Variants in ADAMTSL1 observed in about 807,000 individuals in gnomAD.
The protein encoded by ADAMTSL1 is ADAMTS-like protein 1.
In ADAMTSL1, 126 loss-of-function variants were observed where a neutral mutation model predicts 201.8. The observed-to-expected ratio is 0.62, with a 90% CI of 0.54 to 0.72. ADAMTSL1 has a LOEUF of 0.72. ADAMTSL1 is among the 30% of genes least tolerant of loss of function. The pLI, the probability that ADAMTSL1 is intolerant of heterozygous loss-of-function variation, is 0.00. For missense variants in ADAMTSL1, 2,679 were observed against 2,277.8 expected, an observed-to-expected ratio of 1.18 and a Z score of -3.59; for synonymous variants, 1,121 against 903.4, an observed-to-expected ratio of 1.24 and a Z score of -4.32.
At chr9:18,450,743 A>G (rs1820372310) in intron 2 of ADAMTSL1, among the ~76,000 whole-genome samples, 1 of 152,186 alleles carries the variant, frequency 6.6e-6, no homozygotes, top group Non-Finnish European at 1.5e-5. Flanking sequence ...CTCTGAAGTG[A>G]TTCATTATTT....
chr9:17,975,055 C>T (rs1047696198), intron 1 of ADAMTSL1, among the ~76,000 whole-genome samples: 2 of 151,976 alleles, frequency 1.3e-5, no homozygotes, highest in African/African-American at 4.8e-5. Context: ...ATAGTAACCA[C>T]TCCAAGAGAT....
At chr9:18,626,076 G>A (rs1452668781) in intron 5 of ADAMTSL1, among the ~76,000 whole-genome samples, 2 of 152,124 alleles carry the variant, frequency 1.3e-5, no homozygotes, top group African/African-American at 4.8e-5. Context: ...AAACACTAAA[G>A]AAATTTCCAC....
chr9:17,988,185 G>A (rs773407008), intron 1 of ADAMTSL1, among the ~76,000 whole-genome samples: 5 of 151,974 alleles, frequency 3.3e-5, no homozygotes, highest in Non-Finnish European at 7.4e-5. Context: ...TATTGGCATT[G>A]TTTTATTCCT....
chr9:18,450,830 T>C (rs143161932), intron 2 of ADAMTSL1, among the ~76,000 whole-genome samples: 8 of 152,318 alleles, frequency 5.3e-5, no homozygotes, highest in Non-Finnish European at 8.8e-5. Flanking sequence ...CACTCTACAG[T>C]ATATCTGGAT....
intron 23 of ADAMTSL1, among the ~76,000 whole-genome samples, chr9:18,850,215 A>T (rs1482341594): frequency 6.6e-6 from 1 of 152,178 alleles, no homozygotes; most frequent in Non-Finnish European, 1.5e-5. Context: ...GCAGGACACA[A>T]TTCCCAGGCC....
chr9:18,092,777 A>C (rs1407726231), intron 1 of ADAMTSL1, among the ~76,000 whole-genome samples: 1 of 152,238 alleles, frequency 6.6e-6, no homozygotes, highest in African/African-American at 2.4e-5. Context: ...TCACACTTGC[A>C]CTTAATGAAA....
At chr9:18,393,158 A>T (rs1025500902) in intron 2 of ADAMTSL1, among the ~76,000 whole-genome samples, 9 of 152,248 alleles carry the variant, frequency 5.9e-5, no homozygotes, top group African/African-American at 2.2e-4. Flanking sequence ...TCTAAATTTT[A>T]CTCCAACTTA....
intron 2 of ADAMTSL1, among the ~76,000 whole-genome samples, chr9:18,225,970 G>C (rs539043438): frequency 1.3e-5 from 2 of 152,106 alleles, no homozygotes; most frequent in South Asian, 4.1e-4. Flanking sequence ...TGGTAGGTGG[G>C]TGCTGGTTTC....
rs1763181986 is a variant in ADAMTSL1, at chr9:18,905,765, C to G, written c.4852-17C>G. On this transcript the variant is annotated splice_polypyrimidine_tract_variant and intron_variant, in intron 26 of 28. Transcript: ENST00000380548. ...ACTTGGCTAATGTGCGGTATGTTAC[C>G]TTTTTCTGCTTTCCAGTGCAATGGG... 1.5e-5 allele frequency: 24 copies of G among 1,604,500 alleles called. No individual in the cohort carries two copies. The highest frequency in any genetic ancestry group is 2.0e-5 in the Non-Finnish European group (23 of 1,174,414).
At chr9:17,926,650 A>G (rs1156347773) in intron 1 of ADAMTSL1, among the ~76,000 whole-genome samples, 1 of 152,242 alleles carries the variant, frequency 6.6e-6, no homozygotes, top group Admixed American at 6.5e-5. Flanking sequence ...GCTTTTGCTC[A>G]CATACTATTG....
chr9:18,745,061 C>T (rs1182220791), intron 15 of ADAMTSL1, among the ~76,000 whole-genome samples: 1 of 152,084 alleles, frequency 6.6e-6, no homozygotes, highest in Middle Eastern at 3.2e-3. Context: ...GGTGTTTCCA[C>T]TGTAAAATTA....
At chr9:18,017,658 CT>C (rs1270511677) in intron 1 of ADAMTSL1, among the ~76,000 whole-genome samples, 1 of 151,928 alleles carries the variant, frequency 6.6e-6, no homozygotes, top group Non-Finnish European at 1.5e-5. Context: ...CAAATTTTTT[CT>C]TAAATCTAAT....
chr9:18,330,683 G>A (rs1373522347), intron 2 of ADAMTSL1, among the ~76,000 whole-genome samples: 2 of 152,140 alleles, frequency 1.3e-5, no homozygotes, highest in Admixed American at 1.3e-4. Flanking sequence ...TGGCAAAACT[G>A]GGATCTGAGC....
intron 13 of ADAMTSL1, among the ~76,000 whole-genome samples, chr9:18,700,888 T>G (rs1831884149): frequency 6.6e-6 from 1 of 152,190 alleles, no homozygotes; most frequent in African/African-American, 2.4e-5. Context: ...AGATTTAACC[T>G]ACCTCATTAA....
chr9:18,857,601 T>C (rs2131399961), intron 23 of ADAMTSL1, among the ~76,000 whole-genome samples: 1 of 152,376 alleles, frequency 6.6e-6, no homozygotes. Context: ...CTGCTGATGC[T>C]AATGCCAGTC....
At chr9:18,790,873 C>T (rs1821992703) in intron 19 of ADAMTSL1, among the ~76,000 whole-genome samples, 1 of 152,122 alleles carries the variant, frequency 6.6e-6, no homozygotes, top group Non-Finnish European at 1.5e-5. Flanking sequence ...TATTGATATA[C>T]CTAGCATGAC....
intron 2 of ADAMTSL1, among the ~76,000 whole-genome samples, chr9:18,432,635 C>G (rs1352495429): frequency 2.0e-5 from 3 of 152,128 alleles, no homozygotes. Flanking sequence ...CAATAAAACC[C>G]ACATTCCAGT....
At chr9:18,492,598 A>C (rs917835046) in intron 1 of ADAMTSL1, among the ~76,000 whole-genome samples, 1 of 152,212 alleles carries the variant, frequency 6.6e-6, no homozygotes, top group Non-Finnish European at 1.5e-5. Flanking sequence ...TGCACTGCAC[A>C]ACGTTTTTTC....
intron 1 of ADAMTSL1, among the ~76,000 whole-genome samples, chr9:18,100,596 AT>A (rs1223793405): frequency 6.6e-6 from 1 of 151,562 alleles, no homozygotes; most frequent in Non-Finnish European, 1.5e-5. Context: ...CCCCTCCCCT[AT>A]TTTTTTCTGG....
Sources: gnomAD v4.1 joint callset for allele counts (sites outside exome capture counted in the v4.1 genomes callset) on GRCh38, gnomAD v4.1.1 for gene constraint, MANE v1.5 for transcripts, NCBI Gene and HGNC (gene_info 2026-07-23, HGNC 2026-07-21) for gene names.